Variants in DDI2 observed in about 807,000 individuals in gnomAD.
DDI2 encodes protein DDI1 homolog 2.
In DDI2, 5 loss-of-function variants were observed where a neutral mutation model predicts 48.1. The observed-to-expected ratio is 0.10, with a 90% confidence interval of 0.05 to 0.22. The LOEUF is 0.22. Among genes scored for constraint, DDI2 ranks in the 10% least tolerant of loss-of-function variants. The pLI is 1.00. For missense variants in DDI2, 285 were observed against 506.2 expected, an observed-to-expected ratio of 0.56 and a Z score of 4.19; for synonymous variants, 205 against 183.6, an observed-to-expected ratio of 1.12 and a Z score of -0.94.
chr1:15,633,601 G>A lies in DDI2; in HGVS notation c.632+36G>A, dbSNP rs752502711. Reference sequence around the variant, plus strand: ...GTTCATCTAAAGAACAAAACTTAGAGACTCCAGATTTCCCAGACTGCAGGT... The same window carrying A: ...GTTCATCTAAAGAACAAAACTTAGAAACTCCAGATTTCCCAGACTGCAGGT... On this transcript the variant is annotated intron_variant, in intron 4 of 9. Transcript: ENST00000480945. The A allele has an allele frequency of 6.2e-6, 10 of 1,602,302 alleles. No individual in the cohort carries two copies. In the East Asian group the frequency reaches 9.0e-5, roughly 14 times the overall value.
intron 6 of DDI2, among the ~76,000 whole-genome samples, chr1:15,644,270 C>T (rs530075887): frequency 2.6e-5 from 4 of 152,292 alleles, no homozygotes; most frequent in African/African-American, 9.6e-5. Context: ...CCTACAGATT[C>T]CTTTCTCTTC....
At chr1:15,631,938 T>C (rs566092986) in intron 3 of DDI2, among the ~76,000 whole-genome samples, 7 of 152,184 alleles carry the variant, frequency 4.6e-5, no homozygotes, top group African/African-American at 1.4e-4. Flanking sequence ...CCCAAGTAGC[T>C]GGGACTACAG....
intron 1 of DDI2, 66 bp downstream of exon 1, chr1:15,617,874 C>G: frequency 6.9e-7 from 1 of 1,445,090 alleles, no homozygotes; most frequent in Non-Finnish European, 9.2e-7. Context: ...GCCTCACTCC[C>G]TCCCTTTGCT....
Position 15,665,816 on chromosome 1 carries a change from G to A in DDI2, c.*6026G>A, listed in dbSNP as rs1333326276. The A allele has an allele frequency of 6.6e-6, 1 of 152,186 alleles. No homozygotes were observed. Among genetic ancestry groups the A allele is most frequent in the Non-Finnish European group, 1.5e-5 (1 of 68,028 alleles). The allele number at this position is 152,186 out of a possible 1,614,324, so 9.4% of individuals were successfully genotyped here. ...GCCTTTTCCTACCTGTTTGCCACCTGTGGTGAGGGTGAGCAGGATGATTGA... is the reference window on the plus strand; with the variant it reads ...GCCTTTTCCTACCTGTTTGCCACCTATGGTGAGGGTGAGCAGGATGATTGA... On this transcript the variant is annotated 3_prime_UTR_variant, in exon 10 of 10. Transcript: ENST00000480945.
chr1:15,659,879 T>A lies in DDI2; in HGVS notation c.*89T>A. ...TCTACCTCACTGGGAATGTCATCAT[T>A]ACCAACTTCAGATGGGTTTAACCAT... On this transcript the variant is annotated 3_prime_UTR_variant, in exon 10 of 10. Coordinates refer to ENST00000480945, the MANE Select transcript of DDI2 (RefSeq NM_032341.5). 6.3e-7 allele frequency: 1 copy of A among 1,576,730 alleles called. No homozygotes were observed. The highest frequency in any genetic ancestry group is 8.6e-7 in the Non-Finnish European group (1 of 1,164,926).
rs1037832927 is a variant in DDI2, at chr1:15,664,443, A to G, written c.*4653A>G. 1 of 152,082 alleles carries G rather than the reference A, an allele frequency of 6.6e-6. No individual in the cohort carries two copies. Among genetic ancestry groups the G allele is most frequent in the Non-Finnish European group, 1.5e-5 (1 of 68,024 alleles). 9.4% of individuals were successfully genotyped at this position (152,082 alleles called of 1,614,324 possible). On this transcript the variant is annotated 3_prime_UTR_variant, in exon 10 of 10. Transcript: ENST00000480945. The stretch of plus-strand genomic sequence containing the variant: ...GAGACTCTGTCTCACCCAAAAAAAA[A>G]AAAAAAAAGCTATTGACACTGTTAA...
chr1:15,634,586 G>T (rs1392459439), intron 4 of DDI2, among the ~76,000 whole-genome samples: 1 of 121,114 alleles, frequency 8.3e-6, no homozygotes, highest in Non-Finnish European at 1.6e-5. Context: ...AGGCTAGAGT[G>T]CAGTGGCACA....
chr1:15,647,242 G>A (rs866297052), intron 6 of DDI2, among the ~76,000 whole-genome samples: 6 of 151,790 alleles, frequency 4.0e-5, no homozygotes, highest in African/African-American at 1.2e-4. Flanking sequence ...GTGCCTCCCA[G>A]GTTCAAGTGA....
At chr1:15,639,815 C>T (rs1276480486) in intron 5 of DDI2, among the ~76,000 whole-genome samples, 1 of 151,926 alleles carries the variant, frequency 6.6e-6, no homozygotes, top group Non-Finnish European at 1.5e-5. Flanking sequence ...TGAGACCAGC[C>T]TAGGCAACAT....
intron 4 of DDI2, among the ~76,000 whole-genome samples, chr1:15,634,779 G>T (rs1361674072): frequency 6.6e-6 from 1 of 151,756 alleles, no homozygotes; most frequent in Non-Finnish European, 1.5e-5. Flanking sequence ...CAATCCACGC[G>T]CCTCAGCCTC....
At chr1:15,659,584 A>G (rs1640327687) in intron 9 of DDI2, among the ~76,000 whole-genome samples, 2 of 152,244 alleles carry the variant, frequency 1.3e-5, no homozygotes, top group Admixed American at 1.3e-4. Context: ...GTGAATGCAT[A>G]TTAATGGATA....
intron 6 of DDI2, among the ~76,000 whole-genome samples, chr1:15,645,867 C>CAA (rs562840511): frequency 0.043 from 4,141 of 95,636 alleles, 99 homozygotes; most frequent in Middle Eastern, 0.061. Flanking sequence ...GAACTCGTCT[C>CAA]AAAAAAAAAA....
rs1480086362 is a variant in DDI2, at chr1:15,617,539, A to C, written c.-132A>C. ...GTGACTCACTGAGCGTGTGTGAGGG[A>C]GGGAGCGAGCGAGCGAACGAGCAGC... On this transcript the variant is annotated 5_prime_UTR_variant, in exon 1 of 10. Transcript: ENST00000480945. 1 of 659,958 alleles carries C rather than the reference A, an allele frequency of 1.5e-6. No homozygotes were observed. Among genetic ancestry groups the C allele is most frequent in the Non-Finnish European group, 2.1e-6 (1 of 468,974 alleles). 40.9% of individuals were successfully genotyped at this position (659,958 alleles called of 1,614,324 possible). A position where few individuals can be genotyped will look rare whatever the true frequency, so the allele number is the denominator to read the frequency against.
In DDI2 at chr1:15,641,955, CAAAAAAA is replaced by C. The variant is rs57716922; in HGVS notation, c.761-1552_761-1546del. 2.4e-4 allele frequency among the ~76,000 whole-genome samples: 19 copies of C among 79,374 alleles called. 1 individual carries two copies. The highest frequency in any genetic ancestry group is 6.2e-4 in the Admixed American group (4 of 6,402). The allele number at this position is 79,374 out of a possible 152,430, so 52.1% of individuals were successfully genotyped here. On this transcript the variant is annotated intron_variant, in intron 5 of 9. Coordinates refer to ENST00000480945, the MANE Select transcript of DDI2 (RefSeq NM_032341.5). ...GGGCAACAAGAGTGAAATTCAGTCT[CAAAAAAA>C]AAAAAAAAAAAAAAGGAGAAGAAAG...
At chr1:15,644,421 T>TC (rs1219379911) in intron 6 of DDI2, among the ~76,000 whole-genome samples, 1 of 152,154 alleles carries the variant, frequency 6.6e-6, no homozygotes, top group Non-Finnish European at 1.5e-5. Flanking sequence ...ATGTCTTTTT[T>TC]CCCTACATTA....
intron 1 of DDI2, among the ~76,000 whole-genome samples, chr1:15,619,956 C>A (rs1025932129): frequency 6.6e-6 from 1 of 152,002 alleles, no homozygotes; most frequent in Non-Finnish European, 1.5e-5. Flanking sequence ...ACCTGACACC[C>A]CCTTTAATTG....
At chr1:15,645,608 C>G (rs1050029042) in intron 6 of DDI2, among the ~76,000 whole-genome samples, 2 of 151,920 alleles carry the variant, frequency 1.3e-5, no homozygotes, top group Admixed American at 6.6e-5. Flanking sequence ...ATGGCTCACA[C>G]CTATAATCCC....
At chr1:15,655,103 T>G (rs779788448) in intron 8 of DDI2, among the ~76,000 whole-genome samples, 2 of 152,150 alleles carry the variant, frequency 1.3e-5, no homozygotes, top group African/African-American at 2.4e-5. Context: ...CACATATGTT[T>G]CCAGGCTTAG....
intron 6 of DDI2, among the ~76,000 whole-genome samples, chr1:15,648,944 G>C (rs547270074): frequency 7.9e-5 from 12 of 152,010 alleles, no homozygotes; most frequent in African/African-American, 2.9e-4. Flanking sequence ...TTTAAAAATA[G>C]GTCATCTGCT....
Sources: allele counts gnomAD v4.1 joint callset (sites outside exome capture counted in the v4.1 genomes callset), GRCh38; gene constraint gnomAD v4.1.1; transcripts MANE v1.5; gene names NCBI Gene and HGNC (gene_info 2026-07-23, HGNC 2026-07-21).